Variants in CHL1 observed in about 807,000 individuals in gnomAD.
The protein encoded by CHL1 is cell adhesion molecule L1 like, also known as neural cell adhesion molecule L1-like protein.
A neutral mutation model predicts 141.9 loss-of-function variants in CHL1; 96 were observed. The observed-to-expected ratio is 0.68, with a 90% confidence interval of 0.57 to 0.80. The LOEUF (loss-of-function observed/expected upper bound fraction) is 0.80. Ranked by LOEUF, CHL1 falls within the 30% of genes least tolerant of loss-of-function variation. The probability of loss-of-function intolerance (pLI) is 0.00; values close to 1 mark genes in which losing one functional copy is unlikely to be tolerated. For synonymous variants in CHL1, 613 were observed against 502.2 expected (o/e 1.22, Z -2.95); for missense variants, 1,820 against 1,457.2 (o/e 1.25, Z -4.05).
At chr3:404,084 C>G (rs760185585) in intron 27 of CHL1, among the ~76,000 whole-genome samples, 5 of 152,206 alleles carry the variant, frequency 3.3e-5, no homozygotes, top group African/African-American at 4.8e-5. Context: ...AGAGATTGCC[C>G]TTTTCATCTT....
At chr3:305,854 T>C (rs553761023) in intron 2 of CHL1, among the ~76,000 whole-genome samples, 4 of 152,086 alleles carry the variant, frequency 2.6e-5, no homozygotes, top group Admixed American at 1.3e-4. Flanking sequence ...ATATATTTTA[T>C]TGTAAAATAA....
intron 15 of CHL1, among the ~76,000 whole-genome samples, chr3:366,684 CAAAAAAA>C (rs1167579521): frequency 1.2e-5 from 1 of 86,530 alleles, no homozygotes; most frequent in South Asian, 3.6e-4. Context: ...TGGATGGTTG[CAAAAAAA>C]AAAAAAAAAA....
At chr3:274,903 T>C (rs898817748) in intron 2 of CHL1, among the ~76,000 whole-genome samples, 2 of 152,216 alleles carry the variant, frequency 1.3e-5, no homozygotes, top group Non-Finnish European at 2.9e-5. Context: ...CTTGGTGGCA[T>C]CTTCATTTAT....
chr3:371,092 G>A (rs1050477825), intron 15 of CHL1, among the ~76,000 whole-genome samples: 1 of 152,146 alleles, frequency 6.6e-6, no homozygotes, highest in Non-Finnish European at 1.5e-5. Flanking sequence ...GATTTGGGGT[G>A]GAGAGTTCTG....
chr3:335,827 G>A lies in CHL1; in HGVS notation c.386-4967G>A, dbSNP rs569876196. Among the ~76,000 whole-genome samples, 14 of 152,306 alleles carry A rather than the reference G, an allele frequency of 9.2e-5. No homozygotes were observed. The South Asian group carries it at 2.9e-3, about 32-fold the overall frequency. On this transcript the variant is annotated intron_variant, in intron 5 of 27. Coordinates refer to ENST00000256509, the MANE Select transcript of CHL1 (RefSeq NM_006614.4). Reference sequence around the variant, plus strand: ...AAGTTGTTGAGATGCAGGCTATGGAGAAAATCAGGAGCAGCAGCAGAAGAA... The same window carrying A: ...AAGTTGTTGAGATGCAGGCTATGGAAAAAATCAGGAGCAGCAGCAGAAGAA...
At chr3:253,160 T>A (rs1242498391) in intron 2 of CHL1, among the ~76,000 whole-genome samples, 1 of 152,156 alleles carries the variant, frequency 6.6e-6, no homozygotes, top group Admixed American at 6.6e-5. Flanking sequence ...ATAGACACAT[T>A]TCTATAATTG....
chr3:388,320 G>A (rs1295740573), intron 19 of CHL1, among the ~76,000 whole-genome samples: 1 of 152,210 alleles, frequency 6.6e-6, no homozygotes, highest in Non-Finnish European at 1.5e-5. Flanking sequence ...GGCCGAGGCA[G>A]GCGGATCACC....
At chr3:342,468 A>G (rs536132518) in intron 7 of CHL1, among the ~76,000 whole-genome samples, 2 of 152,166 alleles carry the variant, frequency 1.3e-5, no homozygotes, top group African/African-American at 4.8e-5. Flanking sequence ...AAAGATGGAA[A>G]TTTGTATCAC....
At chr3:306,145 C>T (rs926030597) in intron 2 of CHL1, among the ~76,000 whole-genome samples, 7 of 152,018 alleles carry the variant, frequency 4.6e-5, no homozygotes, top group African/African-American at 1.4e-4. Context: ...GGTCATTGGC[C>T]CGGGATTTGG....
chr3:256,279 G>T (rs1694159181), intron 2 of CHL1, among the ~76,000 whole-genome samples: 1 of 152,152 alleles, frequency 6.6e-6, no homozygotes, highest in African/African-American at 2.4e-5. Flanking sequence ...CCAAATTATT[G>T]TATATTACCA....
chr3:332,582 G>T (rs1324569218), intron 5 of CHL1, among the ~76,000 whole-genome samples: 2 of 152,084 alleles, frequency 1.3e-5, no homozygotes, highest in African/African-American at 4.8e-5. Flanking sequence ...ATGAGTAAGT[G>T]TGAAGCATCC....
intron 1 of CHL1, among the ~76,000 whole-genome samples, chr3:242,371 C>A (rs1396681836): frequency 3.5e-5 from 5 of 144,080 alleles, no homozygotes; most frequent in Non-Finnish European, 7.6e-5. Context: ...CTGAGGGGGG[C>A]AGATCACGAG....
At chr3:213,936 A>C (rs1472066328) in intron 1 of CHL1, among the ~76,000 whole-genome samples, 1 of 152,234 alleles carries the variant, frequency 6.6e-6, no homozygotes, top group Non-Finnish European at 1.5e-5. Flanking sequence ...AAGTTCTGAA[A>C]GGCTTCCTCA....
At chr3:294,268 A>G (rs978115008) in intron 2 of CHL1, among the ~76,000 whole-genome samples, 1 of 152,134 alleles carries the variant, frequency 6.6e-6, no homozygotes, top group African/African-American at 2.4e-5. Flanking sequence ...GCAGTGAGTC[A>G]TGATTACACC....
chr3:198,050 C>G (rs1406400597), intron 1 of CHL1: 4 of 298,258 alleles, frequency 1.3e-5, no homozygotes, highest in Middle Eastern at 1.3e-3. Context: ...GGAACTCCTG[C>G]GAAAAACCAC....
Position 389,280 on chromosome 3 carries a change from CAGGCCT to C in CHL1, c.2279_2284del (p.Gly760_Leu761del). ...TTGAAATCCATGGAGCAGAATGGACCAGGCCTAGAGTACAGAGTGACCTGGAAGCCA... is the reference window on the plus strand; with the variant it reads ...TTGAAATCCATGGAGCAGAATGGACCAGAGTACAGAGTGACCTGGAAGCCA... On this transcript the variant is annotated inframe_deletion, in exon 20 of 28. Transcript: ENST00000256509. 6.2e-7 allele frequency: 1 copy of C among 1,612,426 alleles called. No homozygotes were observed. Among genetic ancestry groups the C allele is most frequent in the Non-Finnish European group, 8.5e-7 (1 of 1,179,192 alleles).
intron 15 of CHL1, among the ~76,000 whole-genome samples, chr3:374,588 A>T (rs1575207888): frequency 6.6e-6 from 1 of 152,170 alleles, no homozygotes; most frequent in Admixed American, 6.5e-5. Context: ...ACTGAAATGA[A>T]CCTCTGGCTA....
At chr3:383,275 T>G (rs1442560428) in intron 18 of CHL1, among the ~76,000 whole-genome samples, 1 of 152,196 alleles carries the variant, frequency 6.6e-6, no homozygotes, top group African/African-American at 2.4e-5. Flanking sequence ...ATGTCAACCT[T>G]TGCACTAAAC....
In CHL1 at chr3:354,332, T is replaced by C. The variant is rs372781171; in HGVS notation, c.1034-308T>C. ...ATCTGCTTATTCTTCCCTCATTTTTTCCTAGTGGGGTAGCTACTTGTATAG... is the reference window on the plus strand; with the variant it reads ...ATCTGCTTATTCTTCCCTCATTTTTCCCTAGTGGGGTAGCTACTTGTATAG... On this transcript the variant is annotated intron_variant, in intron 10 of 27. Coordinates refer to ENST00000256509, the MANE Select transcript of CHL1 (RefSeq NM_006614.4). Among the ~76,000 whole-genome samples, 24 of 152,116 alleles carry C rather than the reference T, an allele frequency of 1.6e-4. 1 individual carries two copies. In the East Asian group the frequency reaches 2.3e-3, roughly 15 times the overall value.
Sources: gnomAD v4.1 joint callset for allele counts (sites outside exome capture counted in the v4.1 genomes callset) on GRCh38, gnomAD v4.1.1 for gene constraint, MANE v1.5 for transcripts, NCBI Gene and HGNC (gene_info 2026-07-23, HGNC 2026-07-21) for gene names.